HIVEP1: variants seen among roughly 807,000 people sequenced by gnomAD.
HIVEP1 encodes HIVEP zinc finger 1.
HIVEP1 carries 36 observed loss-of-function variants against 180.0 expected under a neutral mutation model. That is an observed-to-expected ratio of 0.20 (90% CI 0.15 to 0.26). HIVEP1 has a LOEUF of 0.26. Ranked by LOEUF, HIVEP1 falls within the 10% of genes least tolerant of loss-of-function variation. HIVEP1 has a pLI of 1.00. For synonymous variants in HIVEP1, 1,239 were observed against 1,239.0 expected (o/e 1.00, Z 0.00); for missense variants, 3,143 against 3,268.7 (o/e 0.96, Z 0.94).
rs756734737 is a variant in HIVEP1, at chr6:12,124,352, T to C, written c.4557T>C (p.His1519=). The part of the protein sequence containing the change: ...LCDINLLNQI[H]APPSHQSTQL... ...ATATCAATTTGTTAAATCAAATCCA[T>C]GCACCGCCTAGCCACCAGAGCACAC... The change falls in exon 4 of 9, where the codon CAT becomes CAC. Residue 1519 remains histidine, a synonymous_variant. Transcript: ENST00000379388. 2 of 1,613,998 alleles carry C rather than the reference T, an allele frequency of 1.2e-6. No individual in the cohort carries two copies. The highest frequency in any genetic ancestry group is 1.7e-6 in the Non-Finnish European group (2 of 1,179,996).
At chr6:12,022,116 G>C (rs1768264258) in intron 2 of HIVEP1, among the ~76,000 whole-genome samples, 1 of 152,184 alleles carries the variant, frequency 6.6e-6, no homozygotes, top group African/African-American at 2.4e-5. Context: ...TGCCTGAACA[G>C]ATAAACCAGG....
chr6:12,180,277 T>C, the HIVEP1 span, among the ~76,000 whole-genome samples: 1 of 152,256 alleles, frequency 6.6e-6, no homozygotes, highest in Admixed American at 6.5e-5. Flanking sequence ...TATTCTTTTC[T>C]AACTACAGGC....
At chr6:12,078,009 C>T (rs1772484844) in intron 2 of HIVEP1, among the ~76,000 whole-genome samples, 1 of 151,990 alleles carries the variant, frequency 6.6e-6, no homozygotes, top group African/African-American at 2.4e-5. Context: ...AGAGAATTAC[C>T]AATTCTGGAA....
intron 2 of HIVEP1, among the ~76,000 whole-genome samples, chr6:12,023,387 T>C (rs1030591990): frequency 2.8e-4 from 42 of 152,222 alleles, no homozygotes; most frequent in African/African-American, 1.0e-3. Context: ...TTTTCACATT[T>C]GAATGTTAGG....
At position 12,122,010 on chromosome 6, in the gene HIVEP1, T is replaced by C; in HGVS notation, c.2215T>C (p.Leu739=). The C allele has an allele frequency of 1.2e-6, 2 of 1,614,150 alleles. No individual in the cohort carries two copies. Among genetic ancestry groups the C allele is most frequent in the Non-Finnish European group, 1.7e-6 (2 of 1,180,022 alleles). The change falls in exon 4 of 9, where the codon TTG becomes CTG. Residue 739 remains leucine, a synonymous_variant. Coordinates refer to ENST00000379388, the MANE Select transcript of HIVEP1 (RefSeq NM_002114.4). ...LLLPGQMRPP[L]ATKTLEERIS... The stretch of plus-strand genomic sequence containing the variant: ...TTTACCAGGTCAGATGCGCCCACCT[T>C]TGGCCACAAAAACACTTGAGGAGCG...
At chr6:12,104,464 TG>T (rs1442650951) in intron 3 of HIVEP1, among the ~76,000 whole-genome samples, 4 of 144,482 alleles carry the variant, frequency 2.8e-5, no homozygotes, top group African/African-American at 7.7e-5. Context: ...GACAGGGTCT[TG>T]CTCAGTCATC....
At chr6:12,057,014 C>CT (rs1561896700) in intron 2 of HIVEP1, among the ~76,000 whole-genome samples, 1 of 151,712 alleles carries the variant, frequency 6.6e-6, no homozygotes, top group African/African-American at 2.4e-5. Context: ...TTTTTTAAAT[C>CT]TTTTTTGGTA....
rs987340603 is a variant in HIVEP1 at position 12,054,216 on chromosome 6, A to G, written c.41-34968A>G. 7.9e-5 allele frequency among the ~76,000 whole-genome samples: 12 copies of G among 152,332 alleles called. No homozygotes were observed. The East Asian group carries it at 2.3e-3, about 29-fold the overall frequency. ...GCCTGATGACTCTGCAAATAATTGG[A>G]TTGATACCAAGGTTTATGCTGTGGA... On this transcript the variant is annotated intron_variant, in intron 2 of 8. Coordinates refer to ENST00000379388, the MANE Select transcript of HIVEP1 (RefSeq NM_002114.4).
chr6:12,194,010 A>C, the HIVEP1 span, among the ~76,000 whole-genome samples: 1 of 152,090 alleles, frequency 6.6e-6, no homozygotes, highest in Non-Finnish European at 1.5e-5. Context: ...TTAAGTAGGT[A>C]CATGTGGCAA....
chr6:12,011,051 C>A (rs1193981681), upstream of HIVEP1, among the ~76,000 whole-genome samples: 2 of 152,142 alleles, frequency 1.3e-5, no homozygotes, highest in East Asian at 3.9e-4. Flanking sequence ...GGCTTTGGAG[C>A]GGCCTCTGGA....
At chr6:12,167,808 G>A (rs985643147), downstream of HIVEP1, among the ~76,000 whole-genome samples, 1 of 144,630 alleles carries the variant, frequency 6.9e-6, no homozygotes, top group African/African-American at 2.5e-5. Flanking sequence ...ACATGTACAT[G>A]TATAGATGTG....
At chr6:12,160,727 C>T (rs543172204) in intron 7 of HIVEP1, among the ~76,000 whole-genome samples, 66 of 152,350 alleles carry the variant, frequency 4.3e-4, no homozygotes, top group African/African-American at 1.5e-3. Flanking sequence ...TGATTAGTGA[C>T]TGCCTGTCCA....
At chr6:12,102,746 A>G (rs1343120796) in intron 3 of HIVEP1, among the ~76,000 whole-genome samples, 2 of 152,256 alleles carry the variant, frequency 1.3e-5, no homozygotes. Flanking sequence ...CAAGAAGCGC[A>G]TTATTTGAAG....
At chr6:12,070,497 G>T (rs1237677747) in intron 2 of HIVEP1, among the ~76,000 whole-genome samples, 1 of 152,100 alleles carries the variant, frequency 6.6e-6, no homozygotes, top group Non-Finnish European at 1.5e-5. Context: ...AGACCAGTGC[G>T]TGGCCAACAT....
chr6:12,121,679 G>C lies in HIVEP1; in HGVS notation c.1884G>C (p.Met628Ile). ...TNENSHQKGD[M>I]NPLEGKQDSH... ...AGAATTCCCACCAGAAAGGCGACAT[G>C]AATCCACTGGAAGGAAAGCAAGACT... The change falls in exon 4 of 9, where the codon ATG becomes ATC. Residue 628 changes from methionine (M) to isoleucine (I), a missense_variant. Coordinates refer to ENST00000379388, the MANE Select transcript of HIVEP1 (RefSeq NM_002114.4). This position sits in a 1 kb window ranked among gnomAD's most constrained non-coding sequence, Gnocchi z 5.3. 6.2e-7 allele frequency: 1 copy of C among 1,614,160 alleles called. No homozygotes were observed. The highest frequency in any genetic ancestry group is 8.5e-7 in the Non-Finnish European group (1 of 1,180,026).
intron 2 of HIVEP1, among the ~76,000 whole-genome samples, chr6:12,084,887 CTT>C (rs1202380390): frequency 6.6e-6 from 1 of 152,026 alleles, no homozygotes; most frequent in African/African-American, 2.4e-5. Flanking sequence ...ACTTAAATCT[CTT>C]ATAGATCTAA....
the HIVEP1 span, among the ~76,000 whole-genome samples, chr6:12,175,915 G>A: frequency 1.3e-5 from 2 of 152,090 alleles, no homozygotes; most frequent in African/African-American, 2.4e-5. Context: ...ACAGGGATTG[G>A]TCACAGAGAG....
intron 3 of HIVEP1, among the ~76,000 whole-genome samples, chr6:12,098,269 A>G (rs1773889147): frequency 6.6e-6 from 1 of 152,210 alleles, no homozygotes; most frequent in Non-Finnish European, 1.5e-5. Context: ...AAGATAAAGT[A>G]TTTAAGGTAA....
At chr6:12,179,755 G>A in the HIVEP1 span, among the ~76,000 whole-genome samples, 1 of 152,074 alleles carries the variant, frequency 6.6e-6, no homozygotes, top group Non-Finnish European at 1.5e-5. Flanking sequence ...ATACACATAA[G>A]CAAAACCAAA....
Sources: allele counts gnomAD v4.1 joint callset (sites outside exome capture counted in the v4.1 genomes callset), GRCh38; gene constraint gnomAD v4.1.1; non-coding constraint Gnocchi (gnomAD v3.1); transcripts MANE v1.5; gene names NCBI Gene and HGNC (gene_info 2026-07-23, HGNC 2026-07-21).